WNK1: variants seen among roughly 807,000 people sequenced by gnomAD.
WNK1 encodes serine/threonine-protein kinase WNK1.
WNK1 carries 38 observed loss-of-function variants against 222.8 expected under a neutral mutation model. The observed-to-expected ratio is 0.17, with a 90% CI of 0.13 to 0.22. The LOEUF (loss-of-function observed/expected upper bound fraction) is 0.22. Among genes scored for constraint, WNK1 ranks in the 10% least tolerant of loss-of-function variants. The pLI is 1.00. For synonymous variants in WNK1, 1,090 were observed against 1,092.9 expected, an observed-to-expected ratio of 1.00 and a Z score of 0.05; for missense variants, 2,348 against 2,918.4, an observed-to-expected ratio of 0.80 and a Z score of 4.50.
At chr12:908,271 C>T (rs1955868995) in intron 27 of WNK1, 1 of 730,496 alleles carries the variant, frequency 1.4e-6, no homozygotes. Flanking sequence ...CTCAACTACA[C>T]ACACACAGAC....
intron 6 of WNK1, 44 bp from the exon 7 acceptor site, chr12:860,969 T>G (rs1172402830): frequency 6.3e-7 from 1 of 1,596,336 alleles, no homozygotes; most frequent in African/African-American, 1.3e-5. Context: ...GGGTGTTGTT[T>G]TCTTTCAATA....
At position 827,845 on chromosome 12, in the gene WNK1, C is replaced by T. The variant is rs1948479359; in HGVS notation, c.1153+583C>T. 6.6e-6 allele frequency among the ~76,000 whole-genome samples: 1 copy of T among 152,096 alleles called. No homozygotes were observed. The highest frequency in any genetic ancestry group is 1.5e-5 in the Non-Finnish European group (1 of 68,008). ...CGCCCAGCCAGCCATCTTTTCATTA[C>T]ACACTGTTGATACTTAACATTATAC... On this transcript the variant is annotated intron_variant, in intron 3 of 27. Transcript: ENST00000315939. The surrounding 1 kb of genome is among the most constrained non-coding windows in gnomAD (Gnocchi z 4.6).
rs150858241 is a variant in WNK1 at position 779,051 on chromosome 12, G to T, written c.759+24727G>T. ...GCTCTAAAATGTAAAAGTAAAACAG[G>T]TGAAGTCTGGATTTTCTTTTGTTTT... On this transcript the variant is annotated intron_variant, in intron 1 of 27. Transcript: ENST00000315939. Among the ~76,000 whole-genome samples the T allele has an allele frequency of 2.6e-3, 403 of 152,260 alleles. 1 individual carries two copies. Among genetic ancestry groups the T allele is most frequent in the Middle Eastern group, 6.8e-3 (2 of 294 alleles).
chr12:866,640 G>T (rs531537882), intron 8 of WNK1, among the ~76,000 whole-genome samples: 1 of 152,132 alleles, frequency 6.6e-6, no homozygotes, highest in East Asian at 1.9e-4. Flanking sequence ...GATTACAGGC[G>T]TGAGCCACCG....
At chr12:881,107 C>A (rs1042319930) in intron 12 of WNK1, 108 bp downstream of exon 12, 1 of 1,404,864 alleles carries the variant, frequency 7.1e-7, no homozygotes, top group Non-Finnish European at 9.9e-7. Context: ...TATTTGGAGA[C>A]CATGTCAAAC....
At position 898,375 on chromosome 12, in the gene WNK1, C is replaced by G. The variant is rs139989869; in HGVS notation, c.6448+694C>G. 9.6e-3 allele frequency among the ~76,000 whole-genome samples: 1,446 copies of G among 151,102 alleles called. 18 individuals carry two copies. Among genetic ancestry groups the G allele is most frequent in the African/African-American group, 0.031 (1,255 of 41,138 alleles). ...GCAGGCGCCTATAGTCCCAGCTACT[C>G]AGGAGGCTGAGGCAGGAGAATGGCA... On this transcript the variant is annotated intron_variant, in intron 25 of 27. Transcript: ENST00000315939.
intron 1 of WNK1, among the ~76,000 whole-genome samples, chr12:792,930 A>G (rs1415216830): frequency 6.6e-6 from 1 of 152,130 alleles, no homozygotes; most frequent in African/African-American, 2.4e-5. Context: ...CTTGGATATA[A>G]ATACCTTTAA....
Position 885,489 on chromosome 12 carries a change from C to T in WNK1, c.4685C>T (p.Ser1562Phe), listed in dbSNP as rs1248680814. 1 of 1,613,964 alleles carries T rather than the reference C, an allele frequency of 6.2e-7. No homozygotes were observed. Among genetic ancestry groups the T allele is most frequent in the Non-Finnish European group, 8.5e-7 (1 of 1,180,042 alleles). The change falls in exon 19 of 28, where the codon TCT becomes TTT. Residue 1562 changes from serine to phenylalanine, a missense_variant. Around this residue, in one of 13 missense-constraint regions of WNK1, gnomAD observed 1,144 missense variants for 1,273.6 expected, o/e 0.90. Coordinates refer to ENST00000315939, the MANE Select transcript of WNK1 (RefSeq NM_018979.4). ...SPGAGVSSYI[S>F]QPGGLHPLVI... Reference sequence around the variant, plus strand: ...GGAGCAGGAGTGTCTAGTTATATTTCTCAGCCTGGTGGGCTGCATCCTTTG... The same window carrying T: ...GGAGCAGGAGTGTCTAGTTATATTTTTCAGCCTGGTGGGCTGCATCCTTTG...
At chr12:893,753 G>T (rs1401056388) in intron 22 of WNK1, among the ~76,000 whole-genome samples, 1 of 151,158 alleles carries the variant, frequency 6.6e-6, no homozygotes. Flanking sequence ...AACCTGGGAG[G>T]TGTAGCTTGC....
At chr12:904,169 AG>A (rs1955508955) in intron 26 of WNK1, among the ~76,000 whole-genome samples, 2 of 152,226 alleles carry the variant, frequency 1.3e-5, no homozygotes, top group South Asian at 4.1e-4. Context: ...CGCCAATTCC[AG>A]AACCTCAGTG....
In WNK1 at chr12:885,762, A is replaced by G; in HGVS notation, c.4958A>G (p.Lys1653Arg). 2 of 1,614,220 alleles carry G rather than the reference A, an allele frequency of 1.2e-6. No individual in the cohort carries two copies. The highest frequency in any genetic ancestry group is 1.7e-6 in the Non-Finnish European group (2 of 1,180,040). Residue 1653 changes from lysine to arginine, a missense_variant, in exon 19 of 28, where the codon AAG becomes AGG. Lys to Arg is a conservative substitution (Grantham distance 26, BLOSUM62 2). Coordinates refer to ENST00000315939, the MANE Select transcript of WNK1 (RefSeq NM_018979.4). ...AAAGCTCCTGGAATTGATGACATAA[A>G]GACTCTAGAAGAAAAGCTGCGGTCT... is the stretch of plus-strand genomic sequence containing the variant. ...QPKAPGIDDIKTLEEKLRSLF... is the reference protein window; with the variant it reads ...QPKAPGIDDIRTLEEKLRSLF...
intron 14 of WNK1, 114 bp downstream of exon 14, chr12:882,187 G>C: frequency 8.2e-7 from 1 of 1,226,730 alleles, no homozygotes; most frequent in Non-Finnish European, 1.1e-6. Context: ...ATAACTATCT[G>C]TGTGTGACAG....
Position 886,094 on chromosome 12 carries a change from T to C in WNK1, c.5280+10T>C. On this transcript the variant is annotated intron_variant, in intron 19 of 27. Transcript: ENST00000315939. Reference sequence around the variant, plus strand: ...TCTAACTAAGGCTCCGGTAAAATTATTGTTATAAAATAATTAGATAAATAT... The same window carrying C: ...TCTAACTAAGGCTCCGGTAAAATTACTGTTATAAAATAATTAGATAAATAT... 4 of 1,600,370 alleles carry C rather than the reference T, an allele frequency of 2.5e-6. No individual in the cohort carries two copies. Among genetic ancestry groups the C allele is most frequent in the African/African-American group, 1.4e-5 (1 of 72,820 alleles).
chr12:818,894 C>T (rs937364045), intron 2 of WNK1, among the ~76,000 whole-genome samples: 2 of 152,146 alleles, frequency 1.3e-5, no homozygotes, highest in African/African-American at 4.8e-5. Flanking sequence ...GCTGTATCCA[C>T]CTTTTGGCTA....
chr12:907,843 A>G lies in WNK1; in HGVS notation c.6644-4A>G, dbSNP rs374161290. 1 of 1,613,396 alleles carries G rather than the reference A, an allele frequency of 6.2e-7. No homozygotes were observed. The highest frequency in any genetic ancestry group is 1.7e-5 in the Admixed American group (1 of 60,024). ...TAATGCTCGTATTCTGTTGCTTATA[A>G]TAGGAACCAGCAGCACAAACACTGT... On this transcript the variant is annotated splice_region_variant and splice_polypyrimidine_tract_variant and intron_variant, in intron 26 of 27. Coordinates refer to ENST00000315939, the MANE Select transcript of WNK1 (RefSeq NM_018979.4).
At chr12:897,431 A>C (rs1299207832) in intron 24 of WNK1, 48 bp from the exon 25 acceptor site, 4 of 1,191,260 alleles carry the variant, frequency 3.4e-6, no homozygotes, top group Non-Finnish European at 5.0e-6. Flanking sequence ...TCTTGTCTGA[A>C]TGAAGAGGAT....
At chr12:781,427 G>C (rs1044007290) in intron 1 of WNK1, among the ~76,000 whole-genome samples, 2 of 151,972 alleles carry the variant, frequency 1.3e-5, no homozygotes, top group Non-Finnish European at 2.9e-5. Flanking sequence ...GTGGCTATAT[G>C]AATTTTAGCT....
At chr12:808,720 T>C (rs1305179757) in intron 1 of WNK1, among the ~76,000 whole-genome samples, 1 of 151,740 alleles carries the variant, frequency 6.6e-6, no homozygotes, top group Non-Finnish European at 1.5e-5. Flanking sequence ...ATAGAACCTA[T>C]GCATTCGTAT....
intron 8 of WNK1, chr12:869,243 T>TG: frequency 3.1e-6 from 4 of 1,279,240 alleles, no homozygotes; most frequent in South Asian, 2.5e-5. Flanking sequence ...TCCCCATCTT[T>TG]GGGGGGTTGT....
Sources: allele counts gnomAD v4.1 joint callset (sites outside exome capture counted in the v4.1 genomes callset), GRCh38; gene constraint gnomAD v4.1.1; regional missense constraint gnomAD v4.1.1; non-coding constraint Gnocchi (gnomAD v3.1); transcripts MANE v1.5; gene names NCBI Gene and HGNC (gene_info 2026-07-23, HGNC 2026-07-21).